The following GARRE1 variants were observed in gnomAD, a reference collection of about 807,000 sequenced individuals.
GARRE1 encodes granule associated Rac and RHOG effector 1.
Under a neutral mutation model 103.2 loss-of-function variants are expected in GARRE1, and 49 were observed. That is an observed-to-expected ratio of 0.47 (90% CI 0.38 to 0.60). The LOEUF is 0.60. GARRE1 is among the 20% of genes least tolerant of loss of function. The probability of loss-of-function intolerance (pLI) is 0.00; values close to 1 mark genes in which losing one functional copy is unlikely to be tolerated. For missense variants in GARRE1, 1,199 were observed against 1,370.5 expected, an observed-to-expected ratio of 0.87 and a Z score of 1.98; for synonymous variants, 505 against 532.8, an observed-to-expected ratio of 0.95 and a Z score of 0.72.
Position 34,343,823 on chromosome 19 carries a change from G to A in GARRE1, c.2521+1368G>A, listed in dbSNP as rs778894262. On this transcript the variant is annotated intron_variant, in intron 10 of 13. Coordinates refer to ENST00000299505, the MANE Select transcript of GARRE1 (RefSeq NM_014686.5). ...GATCACACCACAGCAGCCCAGCCTG[G>A]GCAACAAAGTAAGACTCTGTCTCTA... is the stretch of plus-strand genomic sequence containing the variant. Among the ~76,000 whole-genome samples the A allele has an allele frequency of 3.9e-4, 59 of 151,950 alleles. 1 individual carries two copies. The highest frequency in any genetic ancestry group is 1.8e-4 in the Non-Finnish European group (12 of 68,040).
At chr19:34,258,515 T>A (rs2073690071) in intron 1 of GARRE1, among the ~76,000 whole-genome samples, 1 of 152,078 alleles carries the variant, frequency 6.6e-6, no homozygotes, top group Non-Finnish European at 1.5e-5. Context: ...CCGGGCGCAG[T>A]GGCTCACGCC....
At chr19:34,296,152 C>CTTTTTTTT (rs5827899) in intron 1 of GARRE1, 2 of 274,526 alleles carry the variant, frequency 7.3e-6, no homozygotes, top group Non-Finnish European at 6.6e-6. Flanking sequence ...GGATCCCTCG[C>CTTTTTTTT]TTTTTTTTTT....
Position 34,319,924 on chromosome 19 carries a change from C to T in GARRE1, c.513C>T (p.Phe171=). ...TTTCACAGGTGTTGGGGCGATGTTTCCTGACTGTGGTGCAAGTCCATTTCC... is the reference window on the plus strand; with the variant it reads ...TTTCACAGGTGTTGGGGCGATGTTTTCTGACTGTGGTGCAAGTCCATTTCC... ...LQDIEVLGRC[F]LTVVQVHFQF... The change falls in exon 3 of 14, where the codon TTC becomes TTT. Residue 171 remains phenylalanine (F), a synonymous_variant. Coordinates refer to ENST00000299505, the MANE Select transcript of GARRE1 (RefSeq NM_014686.5). The T allele has an allele frequency of 6.2e-7, 1 of 1,614,258 alleles. No homozygotes were observed. The highest frequency in any genetic ancestry group is 8.5e-7 in the Non-Finnish European group (1 of 1,180,042).
At chr19:34,271,334 T>C (rs556685316) in intron 1 of GARRE1, among the ~76,000 whole-genome samples, 2 of 151,078 alleles carry the variant, frequency 1.3e-5, no homozygotes, top group African/African-American at 4.9e-5. Flanking sequence ...CTGCAACCTC[T>C]GTCTCCCGGG....
At chr19:34,270,142 G>C (rs1483575232) in intron 1 of GARRE1, among the ~76,000 whole-genome samples, 1 of 152,208 alleles carries the variant, frequency 6.6e-6, no homozygotes, top group African/African-American at 2.4e-5. Context: ...TATTTTTACC[G>C]CAGTTGCACA....
intron 8 of GARRE1, among the ~76,000 whole-genome samples, chr19:34,336,243 G>T (rs1319246346): frequency 6.6e-6 from 1 of 152,076 alleles, no homozygotes; most frequent in African/African-American, 2.4e-5. Flanking sequence ...CCCCTGCCTT[G>T]GCCTCCCAAA....
At position 34,307,781 on chromosome 19, in the gene GARRE1, T is replaced by A. The variant is rs1479946223; in HGVS notation, c.495+6813T>A. On this transcript the variant is annotated intron_variant, in intron 2 of 13. Transcript: ENST00000299505. ...TATATAGTATATATATACTATAAAA[T>A]ATATATACTATAAAAAAAAAATATA... 1.1e-4 allele frequency among the ~76,000 whole-genome samples: 15 copies of A among 132,848 alleles called. No homozygotes were observed. The East Asian group carries it at 3.0e-3, about 27-fold the overall frequency. The allele number at this position is 132,848 out of a possible 152,430, so 87.2% of individuals were successfully genotyped here.
Position 34,307,800 on chromosome 19 carries a change from A to AT in GARRE1, c.495+6832_495+6833insT, listed in dbSNP as rs1166338089. Among the ~76,000 whole-genome samples the AT allele has an allele frequency of 1.7e-3, 191 of 110,974 alleles. 2 individuals are homozygous for AT. The highest frequency in any genetic ancestry group is 2.7e-3 in the Admixed American group (29 of 10,880). The allele number at this position is 110,974 out of a possible 152,430, so 72.8% of individuals were successfully genotyped here. ...ATAAAATATATATACTATAAAAAAA[A>AT]AATATATATATATATTTTTTTTTTT... is the stretch of plus-strand genomic sequence containing the variant. On this transcript the variant is annotated intron_variant, in intron 2 of 13. Transcript: ENST00000299505.
At chr19:34,281,637 C>T (rs2073854501) in intron 1 of GARRE1, among the ~76,000 whole-genome samples, 1 of 152,140 alleles carries the variant, frequency 6.6e-6, no homozygotes, top group African/African-American at 2.4e-5. Flanking sequence ...GTTGCCCAGG[C>T]TGGTCTTGAA....
chr19:34,340,931 T>C (rs1361038178), intron 9 of GARRE1, among the ~76,000 whole-genome samples: 1 of 152,212 alleles, frequency 6.6e-6, no homozygotes, highest in East Asian at 1.9e-4. Flanking sequence ...TTTCGCTCTT[T>C]AGGGCTCCAT....
At chr19:34,340,612 C>T (rs1030489388) in intron 9 of GARRE1, among the ~76,000 whole-genome samples, 2 of 152,108 alleles carry the variant, frequency 1.3e-5, no homozygotes, top group African/African-American at 4.8e-5. Context: ...TCCCATCCAT[C>T]CCCCAGCTCC....
intron 1 of GARRE1, among the ~76,000 whole-genome samples, chr19:34,294,229 G>A (rs924752082): frequency 6.6e-6 from 1 of 151,330 alleles, no homozygotes; most frequent in Non-Finnish European, 1.5e-5. Context: ...AGGCCAGCGT[G>A]GACAACATAG....
chr19:34,302,497 T>C (rs1338753574), intron 2 of GARRE1, among the ~76,000 whole-genome samples: 1 of 151,764 alleles, frequency 6.6e-6, no homozygotes, highest in Non-Finnish European at 1.5e-5. Context: ...TTTCACCATC[T>C]TGGCCAGGCC....
intron 1 of GARRE1, among the ~76,000 whole-genome samples, chr19:34,261,274 T>C (rs1350323399): frequency 2.0e-5 from 3 of 152,174 alleles, no homozygotes; most frequent in Non-Finnish European, 4.4e-5. Flanking sequence ...GGGATAATAG[T>C]AGCACCTTTC....
At chr19:34,277,245 T>G (rs1180098674) in intron 1 of GARRE1, among the ~76,000 whole-genome samples, 1 of 152,228 alleles carries the variant, frequency 6.6e-6, no homozygotes, top group East Asian at 1.9e-4. Flanking sequence ...GAGTTTGATT[T>G]TATTCAAAGT....
intron 2 of GARRE1, among the ~76,000 whole-genome samples, chr19:34,309,735 GAA>G (rs1280118087): frequency 6.6e-6 from 1 of 152,184 alleles, no homozygotes; most frequent in East Asian, 1.9e-4. Flanking sequence ...AAGTGAGAGA[GAA>G]ATTCAGGAAT....
chr19:34,300,972 G>C lies in GARRE1; in HGVS notation c.495+4G>C, dbSNP rs779391650. 22 of 1,592,906 alleles carry C rather than the reference G, an allele frequency of 1.4e-5. No homozygotes were observed. The highest frequency in any genetic ancestry group is 1.7e-5 in the Admixed American group (1 of 59,600). ...ATTCAGTCTCCAGGACATTGAGGTAGAGTATCTTTTGTGTCATACTTGTGT... is the reference window on the plus strand; with the variant it reads ...ATTCAGTCTCCAGGACATTGAGGTACAGTATCTTTTGTGTCATACTTGTGT... On this transcript the variant is annotated splice_donor_region_variant and intron_variant, in intron 2 of 13. Transcript: ENST00000299505.
Position 34,352,961 on chromosome 19 carries a change from GGCCAGCCA to G in GARRE1, c.*10_*17del, listed in dbSNP as rs763240112. ...CCTATCTGCCCCAGTACTGACCCCA[GGCCAGCCA>G]GCCTGCCTGCCTGCCTGCCTGCCCG... On this transcript the variant is annotated 3_prime_UTR_variant, in exon 14 of 14. Coordinates refer to ENST00000299505, the MANE Select transcript of GARRE1 (RefSeq NM_014686.5). 27 of 1,468,948 alleles carry G rather than the reference GGCCAGCCA, an allele frequency of 1.8e-5. No homozygotes were observed. The highest frequency in any genetic ancestry group is 2.4e-5 in the Non-Finnish European group (27 of 1,115,222). 91.0% of individuals were successfully genotyped at this position (1,468,948 alleles called of 1,614,324 possible).
chr19:34,335,046 GA>G (rs796763284), intron 8 of GARRE1, among the ~76,000 whole-genome samples: 270 of 130,464 alleles, frequency 2.1e-3, no homozygotes, highest in African/African-American at 4.1e-3. Flanking sequence ...CCGTCTCCAA[GA>G]AAAAAAAAAA....
Sources: allele counts gnomAD v4.1 joint callset (sites outside exome capture counted in the v4.1 genomes callset), GRCh38; gene constraint gnomAD v4.1.1; transcripts MANE v1.5; gene names NCBI Gene and HGNC (gene_info 2026-07-23, HGNC 2026-07-21).